Variants in DGKB observed in about 807,000 individuals in gnomAD.
DGKB encodes 90 kDa diacylglycerol kinase.
DGKB carries 67 observed loss-of-function variants against 114.3 expected under a neutral mutation model. That is an observed-to-expected ratio of 0.59 (90% CI 0.48 to 0.72). The LOEUF (loss-of-function observed/expected upper bound fraction) is 0.72. Ranked by LOEUF, DGKB falls within the 30% of genes least tolerant of loss-of-function variation. DGKB has a pLI of 0.00. For missense variants in DGKB, 907 were observed against 975.2 expected (o/e 0.93, Z 0.93); for synonymous variants, 398 against 323.1 (o/e 1.23, Z -2.49).
chr7:14,619,143 T>A lies in DGKB; in HGVS notation c.1284+2235A>T, dbSNP rs150195968. On this transcript the variant is annotated intron_variant, in intron 15 of 25. Transcript: ENST00000402815. ...CTTTTGCACATGATTATATACCAAC[T>A]TTTTTTAATTCAAAAAATTATTACT... Among the ~76,000 whole-genome samples the A allele has an allele frequency of 9.8e-4, 149 of 151,640 alleles. 1 individual carries two copies. In the East Asian group the frequency reaches 0.016, roughly 16 times the overall value.
At chr7:14,516,102 C>A (rs1788748438) in intron 20 of DGKB, among the ~76,000 whole-genome samples, 1 of 152,118 alleles carries the variant, frequency 6.6e-6, no homozygotes, top group Non-Finnish European at 1.5e-5. Context: ...CCCACCTTGG[C>A]CTCCCAAAGT....
chr7:14,231,570 A>G (rs1298193007), intron 23 of DGKB, among the ~76,000 whole-genome samples: 2 of 145,764 alleles, frequency 1.4e-5, no homozygotes, highest in Non-Finnish European at 3.1e-5. Flanking sequence ...TGCATATTTT[A>G]TGTGTGTATA....
At position 14,746,367 on chromosome 7, in the gene DGKB, C is replaced by T. The variant is rs949296617; in HGVS notation, c.168+7561G>A. Among the ~76,000 whole-genome samples the T allele has an allele frequency of 2.0e-5, 3 of 151,924 alleles. No homozygotes were observed. In the South Asian group the frequency reaches 6.2e-4, roughly 32 times the overall value. The stretch of plus-strand genomic sequence containing the variant: ...AGGAATCAATCATTCAGAGTTGTCC[C>T]AATATGATAAAAATTGATGTAAAGC... On this transcript the variant is annotated intron_variant, in intron 4 of 25. Transcript: ENST00000402815.
At chr7:14,401,979 CA>C (rs1216780076) in intron 21 of DGKB, among the ~76,000 whole-genome samples, 375 of 145,166 alleles carry the variant, frequency 2.6e-3, no homozygotes, top group African/African-American at 9.0e-3. Context: ...CACACACACA[CA>C]CACACACCCG....
chr7:14,327,964 G>A (rs993769996), intron 23 of DGKB, among the ~76,000 whole-genome samples: 2 of 152,078 alleles, frequency 1.3e-5, no homozygotes, highest in Non-Finnish European at 2.9e-5. Context: ...AATATGAAAT[G>A]ACTTCTCAAA....
At chr7:14,249,376 T>C (rs564136765) in intron 23 of DGKB, among the ~76,000 whole-genome samples, 16 of 152,162 alleles carry the variant, frequency 1.1e-4, no homozygotes, top group Non-Finnish European at 1.6e-4. Flanking sequence ...CGGGAGGTAT[T>C]CCTTCTTCTT....
intron 20 of DGKB, among the ~76,000 whole-genome samples, chr7:14,498,441 G>C (rs940911404): frequency 6.6e-6 from 1 of 151,732 alleles, no homozygotes; most frequent in Admixed American, 6.6e-5. Flanking sequence ...TTAAAAACTT[G>C]AGTGATCTGT....
intron 2 of DGKB, among the ~76,000 whole-genome samples, chr7:14,776,825 C>T (rs532347527): frequency 7.9e-5 from 12 of 152,170 alleles, no homozygotes; most frequent in Non-Finnish European, 1.5e-4. Flanking sequence ...AGTGGAGCTG[C>T]GAGAAGTGTG....
intron 20 of DGKB, among the ~76,000 whole-genome samples, chr7:14,509,524 C>T (rs775505965): frequency 6.6e-6 from 1 of 152,210 alleles, no homozygotes; most frequent in Non-Finnish European, 1.5e-5. Context: ...AGACACATGC[C>T]TTTGCTCAAG....
rs1416108732 is a variant in DGKB, at chr7:14,686,845, TTTTC to T, written c.712-1487_712-1484del. ...TGCAAACAGAAGCACTGTCCTTTCT[TTTTC>T]TTTCTTTCTTTTTTTTCTTCTTAAG... On this transcript the variant is annotated intron_variant, in intron 9 of 25. Transcript: ENST00000402815. Among the ~76,000 whole-genome samples the T allele has an allele frequency of 7.9e-5, 12 of 152,142 alleles. No homozygotes were observed. In the East Asian group the frequency reaches 2.1e-3, roughly 27 times the overall value.
At chr7:14,229,217 T>C (rs1791318716) in intron 23 of DGKB, among the ~76,000 whole-genome samples, 1 of 152,018 alleles carries the variant, frequency 6.6e-6, no homozygotes, top group Non-Finnish European at 1.5e-5. Flanking sequence ...TACTCATACA[T>C]ACATACACTC....
rs73682407 is a variant in DGKB, at chr7:14,505,777, G to A, written c.1771-27552C>T. 5.6e-3 allele frequency among the ~76,000 whole-genome samples: 845 copies of A among 152,198 alleles called. 5 individuals carry two copies. The highest frequency in any genetic ancestry group is 0.019 in the African/African-American group (790 of 41,520). ...TACAAAATGTGAATGACGCTCAAAC[G>A]CCAGTAATTTGCTTCTTTACCATGT... On this transcript the variant is annotated intron_variant, in intron 20 of 25. Transcript: ENST00000402815.
At chr7:14,718,733 T>C (rs1828650641) in intron 5 of DGKB, 48 bp from the exon 6 acceptor site, 2 of 1,384,018 alleles carry the variant, frequency 1.4e-6, no homozygotes, top group East Asian at 4.7e-5. Flanking sequence ...TACAGTGATC[T>C]CAAACAGAAA....
At chr7:14,554,814 T>A (rs1795646365) in intron 20 of DGKB, among the ~76,000 whole-genome samples, 1 of 152,160 alleles carries the variant, frequency 6.6e-6, no homozygotes, top group South Asian at 2.1e-4. Flanking sequence ...TTTTTTCATC[T>A]GGCTATTCAG....
intron 2 of DGKB, among the ~76,000 whole-genome samples, chr7:14,793,133 G>C (rs1268687789): frequency 1.3e-5 from 2 of 152,084 alleles, no homozygotes; most frequent in Non-Finnish European, 2.9e-5. Context: ...AGGAGCCACA[G>C]ACTTCTTAGA....
intron 2 of DGKB, among the ~76,000 whole-genome samples, chr7:14,801,033 A>G (rs1842083629): frequency 6.6e-6 from 1 of 152,202 alleles, no homozygotes; most frequent in Non-Finnish European, 1.5e-5. Flanking sequence ...AAAGGACTGT[A>G]ATGGTCATAA....
chr7:14,322,200 C>T (rs1158603661), intron 23 of DGKB, among the ~76,000 whole-genome samples: 7 of 152,080 alleles, frequency 4.6e-5, no homozygotes, highest in Admixed American at 4.6e-4. Flanking sequence ...TTGTTTTTGG[C>T]TGTTTCTGTG....
At chr7:14,630,112 A>C (rs1809413929) in intron 14 of DGKB, 124 bp downstream of exon 14, 1 of 545,994 alleles carries the variant, frequency 1.8e-6, no homozygotes, top group Non-Finnish European at 3.0e-6. Flanking sequence ...GAATATGAAA[A>C]AAATAAAATA....
intron 23 of DGKB, among the ~76,000 whole-genome samples, chr7:14,227,921 T>G (rs1297556717): frequency 6.6e-6 from 1 of 152,010 alleles, no homozygotes; most frequent in Admixed American, 6.6e-5. Context: ...TAAAATAAAA[T>G]AGTTTAGCAA....
Sources: gnomAD v4.1 joint callset for allele counts (sites outside exome capture counted in the v4.1 genomes callset) on GRCh38, gnomAD v4.1.1 for gene constraint, MANE v1.5 for transcripts, NCBI Gene and HGNC (gene_info 2026-07-23, HGNC 2026-07-21) for gene names.